Variants in TMEM164 observed in about 807,000 individuals in gnomAD.
The protein encoded by TMEM164 is RP13-360B22.2.
Under a neutral mutation model 18.8 loss-of-function variants are expected in TMEM164, and 4 were observed. That is an observed-to-expected ratio of 0.21 (90% CI 0.10 to 0.49). TMEM164 has a LOEUF of 0.49. TMEM164 is among the 20% of genes least tolerant of loss of function. The probability of loss-of-function intolerance (pLI) is 0.98; values close to 1 mark genes in which losing one functional copy is unlikely to be tolerated. For synonymous variants in TMEM164, 86 were observed against 101.7 expected (o/e 0.85, Z 0.93); for missense variants, 108 against 239.9 (o/e 0.45, Z 3.63).
chrX:110,172,146 T>G (rs1233623782), intron 6 of TMEM164, among the ~76,000 whole-genome samples: 1 of 111,463 alleles, frequency 9.0e-6, no homozygotes, highest in Non-Finnish European at 1.9e-5. Flanking sequence ...CAAGTTCAAG[T>G]CCTGGCTCTG....
intron 3 of TMEM164, among the ~76,000 whole-genome samples, chrX:110,095,363 A>C (rs2065999651): frequency 1.8e-5 from 2 of 111,780 alleles, no homozygotes; most frequent in Admixed American, 1.9e-4. Flanking sequence ...TATTTCTTGG[A>C]GGCTTTGTTC....
At chrX:110,138,602 G>A (rs2066723757) in intron 4 of TMEM164, among the ~76,000 whole-genome samples, 2 of 111,959 alleles carry the variant, frequency 1.8e-5, no homozygotes, top group Admixed American at 1.9e-4. Flanking sequence ...CGCCATTGAG[G>A]TAGAGAAAGA....
At chrX:110,016,056 G>A (rs1451685005) in intron 2 of TMEM164, among the ~76,000 whole-genome samples, 3 of 112,186 alleles carry the variant, frequency 2.7e-5, no homozygotes, top group Admixed American at 9.4e-5. Flanking sequence ...GAAGCCCGCC[G>A]TGTCACAGGG....
chrX:110,053,551 T>G (rs1403127288), intron 2 of TMEM164, among the ~76,000 whole-genome samples: 1 of 111,894 alleles, frequency 8.9e-6, no homozygotes, highest in Non-Finnish European at 1.9e-5. Flanking sequence ...CCCACCATCA[T>G]AAAAACCCCA....
chrX:110,128,342 T>C (rs1182627657), intron 4 of TMEM164, among the ~76,000 whole-genome samples: 1 of 112,347 alleles, frequency 8.9e-6, no homozygotes, highest in Non-Finnish European at 1.9e-5. Flanking sequence ...TCAGGGAAGG[T>C]TCATTCATAA....
At chrX:110,069,248 A>T (rs766151116) in intron 3 of TMEM164, among the ~76,000 whole-genome samples, 107 of 111,980 alleles carry the variant, frequency 9.6e-4, no homozygotes, top group South Asian at 8.4e-3. Flanking sequence ...ACAGGCTGTT[A>T]TGCTACACTT....
At chrX:110,139,076 G>C (rs1048780363) in intron 4 of TMEM164, among the ~76,000 whole-genome samples, 13 of 112,663 alleles carry the variant, frequency 1.2e-4, no homozygotes, top group African/African-American at 4.2e-4. Context: ...AGAAATAGAG[G>C]TGGAAGCTCC....
chrX:110,129,496 A>ATGTCTCTGGGTTCCCACTTT (rs1160433663), intron 4 of TMEM164, among the ~76,000 whole-genome samples: 3 of 112,630 alleles, frequency 2.7e-5, no homozygotes, highest in Non-Finnish European at 5.6e-5. Flanking sequence ...TATCCCACTT[A>ATGTCTCTGGGTTCCCACTTT]TGTCTCTGGG....
At chrX:110,073,836 A>G (rs1314246223) in intron 3 of TMEM164, among the ~76,000 whole-genome samples, 1 of 111,003 alleles carries the variant, frequency 9.0e-6, no homozygotes, top group African/African-American at 3.3e-5. Context: ...CAAATTTTTA[A>G]TAATAGCCGT....
intron 2 of TMEM164, among the ~76,000 whole-genome samples, chrX:110,030,968 C>T (rs1934474620): frequency 9.0e-6 from 1 of 111,141 alleles, no homozygotes; most frequent in Non-Finnish European, 1.9e-5. Context: ...AGGTTTGTTA[C>T]ATAGGTATAC....
chrX:110,020,668 T>C, intron 2 of TMEM164: 2 of 753,940 alleles, frequency 2.7e-6, no homozygotes, highest in Non-Finnish European at 3.1e-6. Flanking sequence ...GAGAAGGTAA[T>C]TAGATTTGGT....
intron 3 of TMEM164, among the ~76,000 whole-genome samples, chrX:110,093,737 A>T (rs921635927): frequency 6.3e-5 from 7 of 111,008 alleles, no homozygotes; most frequent in African/African-American, 2.3e-4. Flanking sequence ...TAGCTTTTGA[A>T]TGTGTTTGCT....
intron 4 of TMEM164, among the ~76,000 whole-genome samples, chrX:110,141,365 G>C (rs2066767891): frequency 8.9e-6 from 1 of 111,855 alleles, no homozygotes; most frequent in Non-Finnish European, 1.9e-5. Context: ...TCATGCTGCT[G>C]ATAAAGACAT....
At chrX:110,094,502 A>C (rs151236005) in intron 3 of TMEM164, among the ~76,000 whole-genome samples, 2,692 of 111,325 alleles carry the variant, frequency 0.024, 92 homozygotes, top group African/African-American at 0.084. Flanking sequence ...GTAGGATTGC[A>C]ACCCCTGCTT....
At chrX:110,023,666 C>T (rs1934030522) in intron 2 of TMEM164, among the ~76,000 whole-genome samples, 1 of 111,556 alleles carries the variant, frequency 9.0e-6, no homozygotes, top group South Asian at 3.8e-4. Context: ...ATTTGCATTC[C>T]CATTTTATAG....
At chrX:110,162,866 A>G (rs1202174152) in intron 5 of TMEM164, among the ~76,000 whole-genome samples, 1 of 112,110 alleles carries the variant, frequency 8.9e-6, no homozygotes, top group African/African-American at 3.2e-5. Flanking sequence ...TTTGTTATCC[A>G]GGCCAAAAAT....
At chrX:110,126,523 C>T (rs1333034945) in intron 4 of TMEM164, among the ~76,000 whole-genome samples, 7 of 111,916 alleles carry the variant, frequency 6.3e-5, no homozygotes, top group East Asian at 5.6e-4. Context: ...TCTATTTTCT[C>T]GAGGCCCACA....
rs911600184 is a variant in TMEM164, at chrX:110,098,588, G to A, written c.441-10492G>A. Among the ~76,000 whole-genome samples, 14 of 110,965 alleles carry A rather than the reference G, an allele frequency of 1.3e-4. No individual in the cohort carries two copies. The South Asian group carries it at 1.9e-3, about 15-fold the overall frequency. ...CCTACCAACAGTGTATGAAAATTCC[G>A]GTTTCTGCACATTGCTATTGTCTTT... On this transcript the variant is annotated intron_variant, in intron 3 of 6. Coordinates refer to ENST00000372068, the MANE Select transcript of TMEM164 (RefSeq NM_032227.4).
intron 2 of TMEM164, among the ~76,000 whole-genome samples, chrX:110,033,255 C>A (rs1029418765): frequency 8.9e-6 from 1 of 111,757 alleles, no homozygotes; most frequent in Non-Finnish European, 1.9e-5. Context: ...AAATTCACAG[C>A]CAAAATTTGC....
Sources: allele counts gnomAD v4.1 joint callset (sites outside exome capture counted in the v4.1 genomes callset), GRCh38; gene constraint gnomAD v4.1.1; transcripts MANE v1.5; gene names NCBI Gene and HGNC (gene_info 2026-07-23, HGNC 2026-07-21).